Variants in IQSEC1 observed in about 807,000 individuals in gnomAD.
The protein encoded by IQSEC1 is IQ motif and SEC7 domain-containing protein 1.
A neutral mutation model predicts 91.0 loss-of-function variants in IQSEC1; 31 were observed. That is an observed-to-expected ratio of 0.34 (90% CI 0.26 to 0.46). IQSEC1 has a LOEUF of 0.46. Among genes scored for constraint, IQSEC1 ranks in the 20% least tolerant of loss-of-function variants. The pLI, the probability that IQSEC1 is intolerant of heterozygous loss-of-function variation, is 1.00. For synonymous variants in IQSEC1, 699 were observed against 662.6 expected, an observed-to-expected ratio of 1.05 and a Z score of -0.84; for missense variants, 1,388 against 1,575.6, an observed-to-expected ratio of 0.88 and a Z score of 2.02.
Position 12,915,723 on chromosome 3 carries a change from A to G in IQSEC1, c.2031T>C (p.Asp677=), listed in dbSNP as rs1163295902. The G allele has an allele frequency of 1.2e-6, 2 of 1,614,096 alleles. No homozygotes were observed. The highest frequency in any genetic ancestry group is 1.7e-5 in the Admixed American group (1 of 60,026). The stretch of plus-strand genomic sequence containing the variant: ...GCATCTCACGGGGAATGTCCTCACC[A>G]TCGTCCACACCTGGGTAGGGGATGC... ...DFIKNLRGVD[D]GEDIPREMLM... The change falls in exon 7 of 14, where the codon GAT becomes GAC. Residue 677 remains aspartate, a synonymous_variant. Transcript: ENST00000613206.
intron 2 of IQSEC1, among the ~76,000 whole-genome samples, chr3:13,091,975 G>A (rs148823469): frequency 2.6e-5 from 4 of 152,268 alleles, no homozygotes; most frequent in Non-Finnish European, 4.4e-5. Flanking sequence ...CAGTCATGGG[G>A]GAGGTGGTCA....
At chr3:13,025,757 C>A (rs1703588787) in intron 1 of IQSEC1, among the ~76,000 whole-genome samples, 3 of 152,212 alleles carry the variant, frequency 2.0e-5, no homozygotes, top group Non-Finnish European at 4.4e-5. Context: ...CAGTATGAGA[C>A]CTCTCCTTAC....
chr3:13,017,807 C>T (rs1365543474), intron 1 of IQSEC1, among the ~76,000 whole-genome samples: 1 of 152,130 alleles, frequency 6.6e-6, no homozygotes, highest in South Asian at 2.1e-4. Context: ...GGAAAGCAGC[C>T]ATAAGGGAAT....
At chr3:13,035,674 A>G (rs887447261) in intron 1 of IQSEC1, among the ~76,000 whole-genome samples, 1 of 152,118 alleles carries the variant, frequency 6.6e-6, no homozygotes, top group Non-Finnish European at 1.5e-5. Flanking sequence ...CCACAACCTC[A>G]TCTCCTGTCC....
At position 13,098,334 on chromosome 3, in the gene IQSEC1, G is replaced by A. The variant is rs187848228; in HGVS notation, c.303-50812C>T. 6.2e-4 allele frequency among the ~76,000 whole-genome samples: 94 copies of A among 152,278 alleles called. 1 individual carries two copies. The highest frequency in any genetic ancestry group is 5.7e-3 in the Admixed American group (87 of 15,296). On this transcript the variant is annotated intron_variant, in intron 2 of 15. Coordinates refer to the IQSEC1 transcript ENST00000648114. ...CAGGAATTTTTGGAGCATAGACGGCGAAATCTAACTTAGCATTGGGAAGGT... is the reference window on the plus strand; with the variant it reads ...CAGGAATTTTTGGAGCATAGACGGCAAAATCTAACTTAGCATTGGGAAGGT...
chr3:13,264,899 T>C (rs930432373), intron 1 of IQSEC1, among the ~76,000 whole-genome samples: 1 of 151,868 alleles, frequency 6.6e-6, no homozygotes. Flanking sequence ...TCTGTCTCTC[T>C]ATCACTGTGT....
chr3:12,945,754 TA>T (rs1699140857), intron 1 of IQSEC1, among the ~76,000 whole-genome samples: 1 of 152,260 alleles, frequency 6.6e-6, no homozygotes, highest in Non-Finnish European at 1.5e-5. Context: ...TATTAGACCC[TA>T]AAAAAGTGGC....
chr3:13,128,243 T>C (rs763638024), intron 2 of IQSEC1, among the ~76,000 whole-genome samples: 2 of 152,238 alleles, frequency 1.3e-5, no homozygotes, highest in African/African-American at 4.8e-5. Flanking sequence ...TTGTTCCCAG[T>C]CTTTGGGAGA....
intron 1 of IQSEC1, among the ~76,000 whole-genome samples, chr3:13,026,867 TTTTTTTTTTTTGTTTG>T (rs751946787): frequency 0.064 from 4,870 of 75,542 alleles, 272 homozygotes; most frequent in Non-Finnish European, 0.094. Flanking sequence ...CTCCCCAGTT[TTTTTTTTTTTTGTTTG>T]TTTTTTTTTT....
chr3:12,970,374 T>C lies in IQSEC1; in HGVS notation c.24-28509A>G, dbSNP rs1328392917. Among the ~76,000 whole-genome samples the C allele has an allele frequency of 2.0e-5, 3 of 152,212 alleles. No individual in the cohort carries two copies. The highest frequency in any genetic ancestry group is 4.4e-5 in the Non-Finnish European group (3 of 68,030). On this transcript the variant is annotated intron_variant, in intron 1 of 13. Transcript: ENST00000613206. The surrounding 1 kb of genome is among the most constrained non-coding windows in gnomAD (Gnocchi z 4.4). The stretch of plus-strand genomic sequence containing the variant: ...GTCATGGAGACGTTTAGTTCCACTG[T>C]ATCACCCCATGTTTTAGTCCTGAGC...
At chr3:12,934,448 G>A (rs556302381) in intron 3 of IQSEC1, among the ~76,000 whole-genome samples, 47 of 152,342 alleles carry the variant, frequency 3.1e-4, no homozygotes, top group Admixed American at 4.6e-4. Context: ...GGAGCAGGGA[G>A]CCAGCTCAGG....
At chr3:13,273,061 T>C (rs1431786052) in intron 1 of IQSEC1, among the ~76,000 whole-genome samples, 1 of 152,178 alleles carries the variant, frequency 6.6e-6, no homozygotes, top group African/African-American at 2.4e-5. Context: ...ATGTAATCCT[T>C]GCCACTCCTC....
intron 2 of IQSEC1, among the ~76,000 whole-genome samples, chr3:13,093,741 A>G (rs1705907148): frequency 6.6e-6 from 1 of 152,102 alleles, no homozygotes; most frequent in African/African-American, 2.4e-5. Flanking sequence ...ACACAGTTGG[A>G]TCCACTGTCT....
At chr3:13,102,950 T>C (rs761134640) in intron 2 of IQSEC1, among the ~76,000 whole-genome samples, 1 of 152,094 alleles carries the variant, frequency 6.6e-6, no homozygotes, top group East Asian at 1.9e-4. Flanking sequence ...CTGAAGACAA[T>C]TGGCACCTTG....
intron 1 of IQSEC1, among the ~76,000 whole-genome samples, chr3:13,050,241 C>G (rs1306304773): frequency 6.6e-6 from 1 of 152,156 alleles, no homozygotes; most frequent in South Asian, 2.1e-4. Context: ...AAGACTGAGG[C>G]CTTGTTCTCC....
At chr3:13,142,350 C>T (rs1706815314) in intron 2 of IQSEC1, among the ~76,000 whole-genome samples, 1 of 152,212 alleles carries the variant, frequency 6.6e-6, no homozygotes, top group South Asian at 2.1e-4. Context: ...CAGATGCATG[C>T]TCAGACACAG....
chr3:13,188,348 T>C (rs1693967867), intron 1 of IQSEC1, among the ~76,000 whole-genome samples: 1 of 152,164 alleles, frequency 6.6e-6, no homozygotes, highest in South Asian at 2.1e-4. Context: ...AGACCAGCTA[T>C]CAGAGCCCTG....
At chr3:12,915,081 G>A (rs1302652888) in intron 8 of IQSEC1, 23 bp downstream of exon 8, 1 of 1,597,178 alleles carries the variant, frequency 6.3e-7, no homozygotes, top group South Asian at 1.1e-5. Flanking sequence ...TACCCACAAA[G>A]GTAAAACCAG....
At chr3:13,010,387 C>T (rs1702828301) in intron 1 of IQSEC1, among the ~76,000 whole-genome samples, 1 of 152,148 alleles carries the variant, frequency 6.6e-6, no homozygotes, top group African/African-American at 2.4e-5. Flanking sequence ...AGTTCATCCC[C>T]CCTGCTCAAG....
Sources: allele counts gnomAD v4.1 joint callset (sites outside exome capture counted in the v4.1 genomes callset), GRCh38; gene constraint gnomAD v4.1.1; non-coding constraint Gnocchi (gnomAD v3.1); transcripts MANE v1.5; gene names NCBI Gene and HGNC (gene_info 2026-07-23, HGNC 2026-07-21).